Variants in CREB3L2 observed in about 807,000 individuals in gnomAD.
CREB3L2 encodes the protein cAMP responsive element binding protein 3 like 2, also known as cyclic AMP-responsive element-binding protein 3-like protein 2.
In CREB3L2, 23 loss-of-function variants were observed where a neutral mutation model predicts 57.2. That is an observed-to-expected ratio of 0.40 (90% confidence interval 0.29 to 0.57). The LOEUF is 0.57. CREB3L2 is among the 20% of genes least tolerant of loss of function. The pLI is 0.42. For missense variants in CREB3L2, 628 were observed against 634.7 expected, an observed-to-expected ratio of 0.99 and a Z score of 0.11; for synonymous variants, 268 against 265.1, an observed-to-expected ratio of 1.01 and a Z score of -0.11.
intron 1 of CREB3L2, among the ~76,000 whole-genome samples, chr7:137,962,137 C>CTG (rs1365086160): frequency 6.6e-6 from 1 of 152,128 alleles, no homozygotes; most frequent in East Asian, 1.9e-4. Flanking sequence ...GAAATGGACC[C>CTG]TGGTGGTTTT....
chr7:137,935,458 C>T (rs1472098469), intron 1 of CREB3L2, among the ~76,000 whole-genome samples: 1 of 152,212 alleles, frequency 6.6e-6, no homozygotes, highest in African/African-American at 2.4e-5. Flanking sequence ...TTGAATTGAT[C>T]TCTCATTTCC....
At chr7:137,938,566 G>A (rs779910873) in intron 1 of CREB3L2, among the ~76,000 whole-genome samples, 15 of 152,012 alleles carry the variant, frequency 9.9e-5, no homozygotes, top group East Asian at 9.6e-4. Flanking sequence ...GGCTGGTCTC[G>A]AACTCCTGAT....
chr7:137,956,564 C>G (rs1378930566), intron 1 of CREB3L2: 48 of 1,284,600 alleles, frequency 3.7e-5, no homozygotes, highest in Middle Eastern at 2.1e-4. Context: ...CCATTGCACT[C>G]TCTACCTTCC....
chr7:137,959,481 G>A (rs1168033276), intron 1 of CREB3L2, among the ~76,000 whole-genome samples: 1 of 152,218 alleles, frequency 6.6e-6, no homozygotes, highest in East Asian at 1.9e-4. Context: ...GCTGAAACCA[G>A]CAGAAGAAAA....
At chr7:137,991,345 T>C (rs1012996426) in intron 1 of CREB3L2, among the ~76,000 whole-genome samples, 4 of 151,774 alleles carry the variant, frequency 2.6e-5, no homozygotes, top group African/African-American at 9.7e-5. Context: ...TTTGTATTTT[T>C]AGTAGAGACG....
chr7:137,972,705 A>ACAACAACAAC (rs1563270085), intron 1 of CREB3L2, among the ~76,000 whole-genome samples: 28 of 44,550 alleles, frequency 6.3e-4, no homozygotes, highest in African/African-American at 3.5e-3. Flanking sequence ...AAAAAAAAAA[A>ACAACAACAAC]AAAAAAAATA....
intron 11 of CREB3L2, among the ~76,000 whole-genome samples, chr7:137,882,025 T>G (rs114718963): frequency 2.0e-5 from 3 of 152,226 alleles, no homozygotes; most frequent in African/African-American, 4.8e-5. Flanking sequence ...TACTCCCTAG[T>G]TGAAGCCATG....
intron 1 of CREB3L2, among the ~76,000 whole-genome samples, chr7:137,991,806 A>G (rs1812064): frequency 0.74 from 112,158 of 151,258 alleles, 41,833 homozygotes; most frequent in East Asian, 0.9. Context: ...TACTCGGGAG[A>G]CTGAGGCACA....
At chr7:137,904,206 T>C (rs986274729) in intron 6 of CREB3L2, among the ~76,000 whole-genome samples, 189 bp from the exon 7 acceptor site, 1 of 152,184 alleles carries the variant, frequency 6.6e-6, no homozygotes, top group African/African-American at 2.4e-5. Flanking sequence ...AACTCACACC[T>C]ACTTTCCTAC....
At chr7:137,926,410 A>G (rs1015772528) in intron 2 of CREB3L2, among the ~76,000 whole-genome samples, 25 of 152,320 alleles carry the variant, frequency 1.6e-4, no homozygotes, top group African/African-American at 6.0e-4. Context: ...CATAAAAAAG[A>G]ATGAGTGCAT....
In CREB3L2 at chr7:137,926,918, G is replaced by A. The variant is rs555353007; in HGVS notation, c.319+1232C>T. ...AATCCTAGCACTTGGGGACGCTGTG[G>A]AGGAAAGACCACTTCAGCCCAGGAG... On this transcript the variant is annotated intron_variant, in intron 2 of 11. Coordinates refer to ENST00000330387, the MANE Select transcript of CREB3L2 (RefSeq NM_194071.4). Among the ~76,000 whole-genome samples, 12 of 152,312 alleles carry A rather than the reference G, an allele frequency of 7.9e-5. No individual in the cohort carries two copies. The South Asian group carries it at 2.5e-3, about 32-fold the overall frequency.
At chr7:137,974,470 G>A (rs1245990422) in intron 1 of CREB3L2, among the ~76,000 whole-genome samples, 3 of 152,198 alleles carry the variant, frequency 2.0e-5, no homozygotes, top group East Asian at 3.8e-4. Context: ...AGGGGAAGGG[G>A]ACTCATGGAT....
intron 2 of CREB3L2, among the ~76,000 whole-genome samples, chr7:137,922,386 A>ATATATATATATATATATATATATATG (rs1800312485): frequency 1.3e-4 from 2 of 14,986 alleles, no homozygotes; most frequent in Non-Finnish European, 2.3e-4. Flanking sequence ...ATATATATGT[A>ATATATATATATATATATATATATATG]TATATATATA....
intron 1 of CREB3L2, among the ~76,000 whole-genome samples, chr7:137,987,845 C>T (rs1478129972): frequency 2.6e-5 from 4 of 152,168 alleles, no homozygotes; most frequent in African/African-American, 9.7e-5. Flanking sequence ...GCCACCACAC[C>T]TTTCTCTACC....
rs139031371 is a variant in CREB3L2, at chr7:137,903,606, G to A, written c.974+353C>T. On this transcript the variant is annotated intron_variant, in intron 7 of 11. Coordinates refer to ENST00000330387, the MANE Select transcript of CREB3L2 (RefSeq NM_194071.4). Reference sequence around the variant, plus strand: ...AGTGTGGCCAATGGGGGCTGATTAAGTAGCACTGCTCCTTTCAGCTAAAAC... The same window carrying A: ...AGTGTGGCCAATGGGGGCTGATTAAATAGCACTGCTCCTTTCAGCTAAAAC... 1.1e-3 allele frequency among the ~76,000 whole-genome samples: 168 copies of A among 152,234 alleles called. 1 individual carries two copies. Among genetic ancestry groups the A allele is most frequent in the African/African-American group, 3.9e-3 (163 of 41,532 alleles).
In CREB3L2 at chr7:137,972,728, TATATATATAGAG is replaced by T. The variant is rs1388404491; in HGVS notation, c.102+28864_102+28875del. Among the ~76,000 whole-genome samples, 288 of 29,766 alleles carry T rather than the reference TATATATATAGAG, an allele frequency of 9.7e-3. 9 individuals are homozygous for T. The highest frequency in any genetic ancestry group is 0.05 in the African/African-American group (234 of 4,668). 19.5% of individuals were successfully genotyped at this position (29,766 alleles called of 152,430 possible). On this transcript the variant is annotated intron_variant, in intron 1 of 11. Transcript: ENST00000330387. ...AAAAAAAAAAATATATATATATATA[TATATATATAGAG>T]AGAGAGAGAGAGAGAGAGAGAGAGA...
intron 8 of CREB3L2, among the ~76,000 whole-genome samples, chr7:137,889,204 T>A (rs964488114): frequency 6.6e-6 from 1 of 152,120 alleles, no homozygotes; most frequent in East Asian, 1.9e-4. Flanking sequence ...GGCTCCCCAG[T>A]GCCTCCTGAA....
intron 8 of CREB3L2, among the ~76,000 whole-genome samples, chr7:137,886,612 A>T (rs1799425644): frequency 6.6e-6 from 1 of 152,196 alleles, no homozygotes; most frequent in Non-Finnish European, 1.5e-5. Flanking sequence ...CATATGAAAG[A>T]ACAAAGATGC....
In CREB3L2 at chr7:137,980,681, G is replaced by T. The variant is rs916106386; in HGVS notation, c.102+20923C>A. Among the ~76,000 whole-genome samples the T allele has an allele frequency of 4.9e-4, 75 of 152,316 alleles. No individual in the cohort carries two copies. Among genetic ancestry groups the T allele is most frequent in the African/African-American group, 1.7e-3 (70 of 41,562 alleles). On this transcript the variant is annotated intron_variant, in intron 1 of 11. Coordinates refer to ENST00000330387, the MANE Select transcript of CREB3L2 (RefSeq NM_194071.4). This position sits in a 1 kb window ranked among gnomAD's most constrained non-coding sequence, Gnocchi z 4.3. The stretch of plus-strand genomic sequence containing the variant: ...CATGACATGGGATTTCTCCATACAG[G>T]CTCCAAAGCTGCTAGAGCTATAGGC...
Sources: gnomAD v4.1 joint callset for allele counts (sites outside exome capture counted in the v4.1 genomes callset) on GRCh38, gnomAD v4.1.1 for gene constraint, Gnocchi (gnomAD v3.1) non-coding constraint, MANE v1.5 for transcripts, NCBI Gene and HGNC (gene_info 2026-07-23, HGNC 2026-07-21) for gene names.